The following KCNN4 variants were observed in gnomAD, a reference collection of about 807,000 sequenced individuals.
The protein encoded by KCNN4 is intermediate conductance calcium-activated potassium channel protein 4.
Under a neutral mutation model 45.2 loss-of-function variants are expected in KCNN4, and 31 were observed. The ratio of observed to expected loss-of-function variants is 0.69; its 90% CI spans 0.52 to 0.92. KCNN4 has a LOEUF of 0.92. KCNN4 is among the 40% of genes least tolerant of loss of function. KCNN4 has a pLI of 0.00. For missense variants in KCNN4, 463 were observed against 574.0 expected, an observed-to-expected ratio of 0.81 and a Z score of 1.98; for synonymous variants, 231 against 254.6, an observed-to-expected ratio of 0.91 and a Z score of 0.88.
At chr19:43,776,391 C>A in intron 2 of KCNN4, 150 bp downstream of exon 2, 1 of 625,908 alleles carries the variant, frequency 1.6e-6, no homozygotes, top group Non-Finnish European at 2.9e-6. Context: ...ATGGTTCATC[C>A]CATCTGGGTA....
At position 43,776,582 on chromosome 19, in the gene KCNN4, G is replaced by A. The variant is rs1568394885; in HGVS notation, c.214C>T (p.Leu72Phe). ...KCTISISTFL[L>F]LCLIVAFHAK... ...TGAAAGGCCACGATGAGGCAGAGGA[G>A]TAAGAAGGTGGAAATGCTGATCGTG... Residue 72 changes from leucine to phenylalanine, a missense_variant, in exon 2 of 9, where the codon CTC becomes TTC. This residue lies in a region of KCNN4 where 225 missense variants were observed against 240.9 expected (regional missense o/e 0.93). Transcript: ENST00000648319. 5 of 1,613,932 alleles carry A rather than the reference G, an allele frequency of 3.1e-6. No individual in the cohort carries two copies. Among genetic ancestry groups the A allele is most frequent in the Admixed American group, 1.7e-5 (1 of 60,002 alleles).
Position 43,774,712 on chromosome 19 carries a change from G to A in KCNN4, c.256-93C>T, listed in dbSNP as rs935247415. 11 of 1,136,696 alleles carry A rather than the reference G, an allele frequency of 9.7e-6. No homozygotes were observed. In the African/African-American group the frequency reaches 1.3e-4, roughly 14 times the overall value. The allele number at this position is 1,136,696 out of a possible 1,614,324, so 70.4% of individuals were successfully genotyped here. On this transcript the variant is annotated intron_variant, in intron 2 of 8. Transcript: ENST00000648319. The surrounding 1 kb of genome is among the most constrained non-coding windows in gnomAD (Gnocchi z 5.6). Reference sequence around the variant, plus strand: ...GCCTGCCTGCGCCCTGAGATAAGTGGGGTGTGCCGCCTGGCCAGGAGGGAG... The same window carrying A: ...GCCTGCCTGCGCCCTGAGATAAGTGAGGTGTGCCGCCTGGCCAGGAGGGAG...
intron 1 of KCNN4, among the ~76,000 whole-genome samples, 159 bp downstream of exon 1, chr19:43,780,544 T>C (rs1599684297): frequency 1.1e-5 from 1 of 93,708 alleles, no homozygotes; most frequent in Non-Finnish European, 2.0e-5. Context: ...CAGTCCCTCC[T>C]CCCTCAGACC....
At position 43,776,527 on chromosome 19, in the gene KCNN4, G is replaced by A. The variant is rs202097084; in HGVS notation, c.255+14C>T. ...GTTGGAGGGAGCAAGGCTTAGGGGC[G>A]GGGCCTGCCCTACCTGGACCTCTTT... On this transcript the variant is annotated intron_variant, in intron 2 of 8. Transcript: ENST00000648319. 7.6e-6 allele frequency: 12 copies of A among 1,582,054 alleles called. No individual in the cohort carries two copies. Among genetic ancestry groups the A allele is most frequent in the East Asian group, 2.2e-5 (1 of 44,746 alleles).
At chr19:43,776,900 C>G in intron 1 of KCNN4, 1 of 405,532 alleles carries the variant, frequency 2.5e-6, no homozygotes, top group Non-Finnish European at 4.6e-6. Context: ...GAGTTTGAGA[C>G]CCCCTGGCCA....
chr19:43,779,742 C>T (rs1180928922), intron 1 of KCNN4, among the ~76,000 whole-genome samples: 2 of 152,076 alleles, frequency 1.3e-5, no homozygotes, highest in Admixed American at 1.3e-4. Context: ...CGGAGTCAGC[C>T]CCTCTTCCCC....
At position 43,767,562 on chromosome 19, in the gene KCNN4, G is replaced by T. The variant is rs761260185; in HGVS notation, c.1265C>A (p.Pro422His). Residue 422 changes from proline to histidine, a missense_variant, in exon 8 of 9, where the codon CCC becomes CAC. Coordinates refer to ENST00000648319, the MANE Select transcript of KCNN4 (RefSeq NM_002250.3). ...TALGPRQLPEPSQQSK is the reference protein window; with the variant it reads ...TALGPRQLPEHSQQSK ...CACCAGCTACTTGGACTGCTGGCTG[G>T]GTTCTGGAAGCTGCCTCGGCCCCAG... 1 of 1,613,850 alleles carries T rather than the reference G, an allele frequency of 6.2e-7. No homozygotes were observed. The highest frequency in any genetic ancestry group is 8.5e-7 in the Non-Finnish European group (1 of 1,179,974).
At chr19:43,777,575 C>G (rs1387820986) in intron 1 of KCNN4, among the ~76,000 whole-genome samples, 2 of 152,184 alleles carry the variant, frequency 1.3e-5, no homozygotes, top group Admixed American at 6.5e-5. Context: ...TTCTGCCCCC[C>G]TGCAGCTCCC....
chr19:43,778,819 TG>T (rs1969888264), intron 1 of KCNN4, among the ~76,000 whole-genome samples: 2 of 152,214 alleles, frequency 1.3e-5, no homozygotes, highest in South Asian at 2.1e-4. Context: ...CCCCTCCCCC[TG>T]GGGAGCAGGT....
In KCNN4 at chr19:43,769,208, C is replaced by T; in HGVS notation, c.1050-176G>A. 1.4e-6 allele frequency: 1 copy of T among 723,778 alleles called. No individual in the cohort carries two copies. The highest frequency in any genetic ancestry group is 2.7e-5 in the East Asian group (1 of 37,248). 44.8% of individuals were successfully genotyped at this position (723,778 alleles called of 1,614,324 possible). ...CCTGCCTCCCCACGAGCCCCCATCC[C>T]CAGTAGAAACCCAGGTACCCAGGTC... On this transcript the variant is annotated intron_variant, in intron 6 of 8. Coordinates refer to ENST00000648319, the MANE Select transcript of KCNN4 (RefSeq NM_002250.3). The surrounding 1 kb of genome is among the most constrained non-coding windows in gnomAD (Gnocchi z 4.4).
At chr19:43,768,905 C>T in intron 7 of KCNN4, 58 bp downstream of exon 7, 1 of 1,574,700 alleles carries the variant, frequency 6.4e-7, no homozygotes, top group Non-Finnish European at 8.7e-7. Context: ...CCAGATTTCC[C>T]TCCCTGTGGC....
chr19:43,769,664 G>A lies in KCNN4; in HGVS notation c.930+55C>T. On this transcript the variant is annotated intron_variant, in intron 5 of 8. Coordinates refer to ENST00000648319, the MANE Select transcript of KCNN4 (RefSeq NM_002250.3). This position sits in a 1 kb window ranked among gnomAD's most constrained non-coding sequence, Gnocchi z 4.4. Reference sequence around the variant, plus strand: ...GGTCCTAGGGGAAGCAGGGGCGCCTGGACTCCTGCTTCTTGGAAGAGGGGT... The same window carrying A: ...GGTCCTAGGGGAAGCAGGGGCGCCTAGACTCCTGCTTCTTGGAAGAGGGGT... 1.3e-6 allele frequency: 2 copies of A among 1,562,282 alleles called. No homozygotes were observed. Among genetic ancestry groups the A allele is most frequent in the Non-Finnish European group, 1.8e-6 (2 of 1,134,282 alleles).
intron 7 of KCNN4, among the ~76,000 whole-genome samples, chr19:43,768,575 T>C (rs1034929123): frequency 3.3e-5 from 5 of 152,208 alleles, no homozygotes; most frequent in Non-Finnish European, 7.3e-5. Flanking sequence ...CTTGTCAGTG[T>C]TGTTCATTTT....
intron 1 of KCNN4, among the ~76,000 whole-genome samples, chr19:43,780,333 C>T (rs1017069115): frequency 6.6e-6 from 1 of 151,632 alleles, no homozygotes; most frequent in African/African-American, 2.4e-5. Context: ...TCCCTCAGAC[C>T]CAAGAGTCTA....
At position 43,769,315 on chromosome 19, in the gene KCNN4, T is replaced by A; in HGVS notation, c.1049+127A>T. On this transcript the variant is annotated intron_variant, in intron 6 of 8. Transcript: ENST00000648319. The surrounding 1 kb of genome is among the most constrained non-coding windows in gnomAD (Gnocchi z 4.4). ...CGGTCAGATCCAGGTGAGACCTGGA[T>A]GTTGAGTGAGACCACACCTGGGTGT... 1 of 769,658 alleles carries A rather than the reference T, an allele frequency of 1.3e-6. No homozygotes were observed. The highest frequency in any genetic ancestry group is 3.5e-4 in the Middle Eastern group (1 of 2,844). 47.7% of individuals were successfully genotyped at this position (769,658 alleles called of 1,614,324 possible).
At chr19:43,775,210 C>T (rs922680668) in intron 2 of KCNN4, among the ~76,000 whole-genome samples, 1 of 152,102 alleles carries the variant, frequency 6.6e-6, no homozygotes, top group African/African-American at 2.4e-5. Flanking sequence ...ACCTATAGTC[C>T]CAGCTTCTGG....
rs1173200360 is a variant in KCNN4, at chr19:43,772,562, C to T, written c.684-427G>A. Among the ~76,000 whole-genome samples the T allele has an allele frequency of 2.6e-5, 4 of 152,158 alleles. No homozygotes were observed. The highest frequency in any genetic ancestry group is 9.7e-5 in the African/African-American group (4 of 41,430). ...TATTTTTCTAATTTCCACAAAGATG[C>T]TGTGTGGTCCAGAAGTGGCCCTATC... On this transcript the variant is annotated intron_variant, in intron 3 of 8. Coordinates refer to ENST00000648319, the MANE Select transcript of KCNN4 (RefSeq NM_002250.3). This position sits in a 1 kb window ranked among gnomAD's most constrained non-coding sequence, Gnocchi z 4.4.
chr19:43,774,470 C>T lies in KCNN4; in HGVS notation c.405G>A (p.Leu135=). 6.3e-7 allele frequency: 1 copy of T among 1,595,074 alleles called. No homozygotes were observed. The highest frequency in any genetic ancestry group is 8.5e-7 in the Non-Finnish European group (1 of 1,171,002). Reference sequence around the variant, plus strand: ...ATCCCGGCCAGGGCTGCGGGGAGGTCAGCGGCGCCCCTAAATCCTGCACGC... The same window carrying T: ...ATCCCGGCCAGGGCTGCGGGGAGGTTAGCGGCGCCCCTAAATCCTGCACGC... ...PPCVQDLGAP[L]TSPQPWPGFL... The change falls in exon 3 of 9, where the codon CTG becomes CTA. Residue 135 remains leucine, a synonymous_variant. Transcript: ENST00000648319. The surrounding 1 kb of genome is among the most constrained non-coding windows in gnomAD (Gnocchi z 5.6).
At chr19:43,777,735 G>A (rs1020068660) in intron 1 of KCNN4, among the ~76,000 whole-genome samples, 2 of 152,016 alleles carry the variant, frequency 1.3e-5, no homozygotes, top group Non-Finnish European at 2.9e-5. Context: ...TCTGGAGAGA[G>A]GGATTTAGAG....
Sources: gnomAD v4.1 joint callset for allele counts (sites outside exome capture counted in the v4.1 genomes callset) on GRCh38, gnomAD v4.1.1 for gene constraint, gnomAD v4.1.1 regional missense constraint, Gnocchi (gnomAD v3.1) non-coding constraint, MANE v1.5 for transcripts, NCBI Gene and HGNC (gene_info 2026-07-23, HGNC 2026-07-21) for gene names.